ADAM12: variants seen among roughly 807,000 people sequenced by gnomAD.
ADAM12 encodes disintegrin and metalloproteinase domain-containing protein 12.
Under a neutral mutation model 106.4 loss-of-function variants are expected in ADAM12, and 70 were observed. The ratio of observed to expected loss-of-function variants is 0.66; its 90% CI spans 0.54 to 0.80. The LOEUF is 0.80. Among genes scored for constraint, ADAM12 ranks in the 30% least tolerant of loss-of-function variants. ADAM12 has a pLI of 0.00. For synonymous variants in ADAM12, 420 were observed against 433.5 expected, an observed-to-expected ratio of 0.97 and a Z score of 0.39; for missense variants, 1,010 against 1,171.9, an observed-to-expected ratio of 0.86 and a Z score of 2.02.
chr10:126,205,765 G>A (rs12251607), intron 3 of ADAM12, among the ~76,000 whole-genome samples: 1 of 152,212 alleles, frequency 6.6e-6, no homozygotes, highest in Non-Finnish European at 1.5e-5. Context: ...TGACTCTTTA[G>A]TTCCAGATGA....
chr10:126,036,091 A>G, intron 21 of ADAM12, 55 bp downstream of exon 21: 1 of 1,328,864 alleles, frequency 7.5e-7, no homozygotes, highest in Non-Finnish European at 9.7e-7. Context: ...CACATTAACA[A>G]GTAGCAGAAT....
rs766515465 is a variant in ADAM12, at chr10:126,190,989, CCTTTTTTTTTTT to C, written c.261-35696_261-35685del. 4.8e-3 allele frequency among the ~76,000 whole-genome samples: 327 copies of C among 68,730 alleles called. 21 individuals are homozygous for C. The highest frequency in any genetic ancestry group is 9.2e-3 in the African/African-American group (243 of 26,308). The allele number at this position is 68,730 out of a possible 152,430, so 45.1% of individuals were successfully genotyped here. Reference sequence around the variant, plus strand: ...TTTGAGTTGCCATGAGGAGTTTTGTCCTTTTTTTTTTTTTTTTTTTTTTTTTTTTTCAGACAG... The same window carrying C: ...TTTGAGTTGCCATGAGGAGTTTTGTCTTTTTTTTTTTTTTTTTTCAGACAG... On this transcript the variant is annotated intron_variant, in intron 3 of 22. Coordinates refer to ENST00000448723, the MANE Select transcript of ADAM12 (RefSeq NM_001288973.2).
At chr10:126,284,562 C>CT (rs1959755064) in intron 2 of ADAM12, among the ~76,000 whole-genome samples, 1 of 152,064 alleles carries the variant, frequency 6.6e-6, no homozygotes, top group African/African-American at 2.4e-5. Context: ...GTTTCTATTT[C>CT]TTTTTTATAA....
rs373044244 is a variant in ADAM12 at position 126,267,796 on chromosome 10, TAG to T, written c.260+11117_260+11118del. Among the ~76,000 whole-genome samples, 693 of 149,582 alleles carry T rather than the reference TAG, an allele frequency of 4.6e-3. 4 individuals are homozygous for T. The highest frequency in any genetic ancestry group is 0.019 in the South Asian group (89 of 4,714). On this transcript the variant is annotated intron_variant, in intron 3 of 22. Transcript: ENST00000448723. ...TGGAGCTGGAGGATTGTGATTTTCT[TAG>T]AGTTACAAAAAAGAGAGGTGGGGGG...
intron 2 of ADAM12, among the ~76,000 whole-genome samples, chr10:126,327,941 C>T (rs769757228): frequency 6.6e-6 from 1 of 152,176 alleles, no homozygotes; most frequent in Non-Finnish European, 1.5e-5. Context: ...GTCTTATTTT[C>T]CATGCTCTAG....
chr10:126,047,273 A>G (rs1364349872), intron 16 of ADAM12, among the ~76,000 whole-genome samples: 1 of 152,172 alleles, frequency 6.6e-6, no homozygotes, highest in African/African-American at 2.4e-5. Context: ...TCCGACCCCA[A>G]CAGCTCATAT....
At chr10:126,188,400 C>T (rs954478888) in intron 3 of ADAM12, among the ~76,000 whole-genome samples, 25 of 152,204 alleles carry the variant, frequency 1.6e-4, no homozygotes, top group African/African-American at 5.1e-4. Flanking sequence ...ACACATAAAA[C>T]GTGCATCGAA....
chr10:126,068,102 T>C (rs922812237), intron 12 of ADAM12, among the ~76,000 whole-genome samples: 3 of 152,164 alleles, frequency 2.0e-5, no homozygotes, highest in African/African-American at 7.2e-5. Flanking sequence ...TACAATAAGA[T>C]AAAACTGTCA....
intron 3 of ADAM12, among the ~76,000 whole-genome samples, chr10:126,218,868 G>A (rs746751098): frequency 1.3e-5 from 2 of 152,190 alleles, no homozygotes; most frequent in Non-Finnish European, 2.9e-5. Flanking sequence ...ATAAAAGTGA[G>A]ACATTTAGAT....
At chr10:126,204,728 A>T (rs1471960000) in intron 3 of ADAM12, among the ~76,000 whole-genome samples, 1 of 152,088 alleles carries the variant, frequency 6.6e-6, no homozygotes, top group Non-Finnish European at 1.5e-5. Context: ...TTGTGTGACC[A>T]CTCGGACTGC....
Position 126,388,226 on chromosome 10 carries a change from G to C in ADAM12, c.-81C>G, listed in dbSNP as rs1409340799. On this transcript the variant is annotated 5_prime_UTR_variant, in exon 1 of 23. Coordinates refer to ENST00000448723, the MANE Select transcript of ADAM12 (RefSeq NM_001288973.2). The surrounding 1 kb of genome is among the most constrained non-coding windows in gnomAD (Gnocchi z 4.4). ...CCCACGCGGGCGCCGAGCCGGGGCCGGGCGTCGCGACCGGAGGGATTTCCT... is the reference window on the plus strand; with the variant it reads ...CCCACGCGGGCGCCGAGCCGGGGCCCGGCGTCGCGACCGGAGGGATTTCCT... 4 of 1,188,100 alleles carry C rather than the reference G, an allele frequency of 3.4e-6. No homozygotes were observed. The highest frequency in any genetic ancestry group is 4.2e-6 in the Non-Finnish European group (4 of 961,130). The allele number at this position is 1,188,100 out of a possible 1,614,324, so 73.6% of individuals were successfully genotyped here.
Position 126,026,402 on chromosome 10 carries a change from C to G in ADAM12, c.2530-6577G>C, listed in dbSNP as rs117202555. ...AGAAAATCAACAAAGACATTCAGGA[C>G]TTGAACTCAGCTCTGGAGCAAGTGG... On this transcript the variant is annotated intron_variant, in intron 21 of 22. Transcript: ENST00000448723. 2.6e-5 allele frequency among the ~76,000 whole-genome samples: 4 copies of G among 152,212 alleles called. No homozygotes were observed. In the East Asian group the frequency reaches 7.7e-4, roughly 29 times the overall value.
chr10:126,253,947 T>C (rs2133692704), intron 3 of ADAM12, among the ~76,000 whole-genome samples: 1 of 152,340 alleles, frequency 6.6e-6, no homozygotes, highest in South Asian at 2.1e-4. Flanking sequence ...CAGCACAGGA[T>C]GCTGAAGGCC....
At chr10:126,229,717 C>T (rs573901311) in intron 3 of ADAM12, among the ~76,000 whole-genome samples, 2 of 149,756 alleles carry the variant, frequency 1.3e-5, no homozygotes, top group East Asian at 4.0e-4. Flanking sequence ...CTCACTCTTT[C>T]TCCTTCCTCC....
At chr10:126,218,147 A>C (rs140529420) in intron 3 of ADAM12, among the ~76,000 whole-genome samples, 1 of 152,072 alleles carries the variant, frequency 6.6e-6, no homozygotes, top group East Asian at 1.9e-4. Context: ...CATTATCAGC[A>C]ACAAAAGCAA....
At chr10:126,155,331 A>G in intron 3 of ADAM12, 26 bp from the exon 4 acceptor site, 1 of 1,597,846 alleles carries the variant, frequency 6.3e-7, no homozygotes, top group Non-Finnish European at 8.6e-7. Context: ...AACACCATAA[A>G]AAGATGAGTG....
intron 3 of ADAM12, among the ~76,000 whole-genome samples, chr10:126,179,693 A>G (rs1957279462): frequency 6.6e-6 from 1 of 152,176 alleles, no homozygotes; most frequent in South Asian, 2.1e-4. Flanking sequence ...TGGGGAAACC[A>G]ACATGGGTTA....
chr10:126,359,736 G>A (rs1855675440), intron 1 of ADAM12, among the ~76,000 whole-genome samples: 2 of 152,208 alleles, frequency 1.3e-5, no homozygotes, highest in Non-Finnish European at 2.9e-5. Flanking sequence ...AGTTCAAGCT[G>A]TCAGTGGATC....
At chr10:126,275,373 G>T (rs1226419956) in intron 3 of ADAM12, among the ~76,000 whole-genome samples, 1 of 152,066 alleles carries the variant, frequency 6.6e-6, no homozygotes, top group Admixed American at 6.6e-5. Flanking sequence ...GCTTCTCAGG[G>T]GCTATACAAA....
Sources: allele counts gnomAD v4.1 joint callset (sites outside exome capture counted in the v4.1 genomes callset), GRCh38; gene constraint gnomAD v4.1.1; non-coding constraint Gnocchi (gnomAD v3.1); transcripts MANE v1.5; gene names NCBI Gene and HGNC (gene_info 2026-07-23, HGNC 2026-07-21).